LARP1: variants seen among roughly 807,000 people sequenced by gnomAD.
The protein encoded by LARP1 is la-related protein 1.
Under a neutral mutation model 122.7 loss-of-function variants are expected in LARP1, and 36 were observed. That is an observed-to-expected ratio of 0.29 (90% CI 0.22 to 0.39). LARP1 has a LOEUF of 0.39. Ranked by LOEUF, LARP1 falls within the 10% of genes least tolerant of loss-of-function variation. The pLI is 1.00. For synonymous variants in LARP1, 539 were observed against 528.7 expected, an observed-to-expected ratio of 1.02 and a Z score of -0.27; for missense variants, 1,040 against 1,403.6, an observed-to-expected ratio of 0.74 and a Z score of 4.14.
intron 1 of LARP1, among the ~76,000 whole-genome samples, chr5:154,689,574 C>G (rs1423307466): frequency 6.7e-6 from 1 of 148,436 alleles, no homozygotes; most frequent in South Asian, 2.1e-4. Context: ...GAGCTGAGAT[C>G]GTGCCATTTT....
intron 1 of LARP1, among the ~76,000 whole-genome samples, chr5:154,733,853 G>A (rs1449895897): frequency 2.0e-5 from 3 of 151,954 alleles, no homozygotes; most frequent in Non-Finnish European, 4.4e-5. Context: ...GTGAGCCACC[G>A]TGCCTGGCCA....
In LARP1 at chr5:154,795,187, C is replaced by G; in HGVS notation, c.1245C>G (p.Phe415Leu). The G allele has an allele frequency of 1.2e-6, 2 of 1,614,012 alleles. No individual in the cohort carries two copies. Among genetic ancestry groups the G allele is most frequent in the Non-Finnish European group, 1.7e-6 (2 of 1,179,872 alleles). Reference sequence around the variant, plus strand: ...TCCCTCCACTTAGTGAATACTACTTCAGCGTGGACAATTTAGAGCGAGACT... The same window carrying G: ...TCCCTCCACTTAGTGAATACTACTTGAGCGTGGACAATTTAGAGCGAGACT... ...DYIKRQIEYY[F>L]SVDNLERDFF... Residue 415 changes from phenylalanine to leucine, a missense_variant, in exon 8 of 19, where the codon TTC (phenylalanine) becomes TTG (leucine). Transcript: ENST00000518297.
chr5:154,749,924 C>T (rs1016232763), intron 1 of LARP1, among the ~76,000 whole-genome samples: 3 of 152,236 alleles, frequency 2.0e-5, no homozygotes, highest in Non-Finnish European at 4.4e-5. Flanking sequence ...ATTCACTGCT[C>T]CCCCTCCAAT....
chr5:154,743,734 C>G (rs1174286267), intron 1 of LARP1, among the ~76,000 whole-genome samples: 2 of 152,038 alleles, frequency 1.3e-5, no homozygotes, highest in African/African-American at 4.8e-5. Flanking sequence ...ATTCTCCTGC[C>G]TCAGCCTTTC....
At position 154,802,178 on chromosome 5, in the gene LARP1, G is replaced by C; in HGVS notation, c.1888G>C (p.Glu630Gln). 1 of 1,614,162 alleles carries C rather than the reference G, an allele frequency of 6.2e-7. No homozygotes were observed. The highest frequency in any genetic ancestry group is 8.5e-7 in the Non-Finnish European group (1 of 1,180,024). ...KNTFTAWSDE[E>Q]SDYEIDDRDV... ...CACCTTCACTGCCTGGTCTGATGAG[G>C]AATCTGACTATGAGATTGATGACAG... is the stretch of plus-strand genomic sequence containing the variant. Residue 630 changes from glutamate (E) to glutamine (Q), a missense_variant, in exon 11 of 19, where the codon GAA becomes CAA. Physicochemically the swap from Glu to Gln is conservative, Grantham distance 29. Coordinates refer to ENST00000518297, the MANE Select transcript of LARP1 (RefSeq NM_033551.3). This position sits in a 1 kb window ranked among gnomAD's most constrained non-coding sequence, Gnocchi z 5.1.
intron 1 of LARP1, among the ~76,000 whole-genome samples, chr5:154,783,583 T>C (rs1270202467): frequency 6.6e-6 from 1 of 152,222 alleles, no homozygotes; most frequent in African/African-American, 2.4e-5. Flanking sequence ...GTCAGACTGC[T>C]TGGCTCCAAA....
chr5:154,811,376 C>G lies in LARP1; in HGVS notation c.2953+20C>G. The stretch of plus-strand genomic sequence containing the variant: ...AAGCTGGTAAGAGCCAGAGTTGGAT[C>G]TGAGTGAGGCCTGGTCATGTAGGCC... On this transcript the variant is annotated intron_variant, in intron 17 of 18. Transcript: ENST00000518297. 1 of 1,611,882 alleles carries G rather than the reference C, an allele frequency of 6.2e-7. No individual in the cohort carries two copies. The highest frequency in any genetic ancestry group is 1.7e-5 in the Admixed American group (1 of 60,024).
intron 1 of LARP1, among the ~76,000 whole-genome samples, chr5:154,728,446 G>C (rs1483187640): frequency 6.6e-6 from 1 of 152,140 alleles, no homozygotes; most frequent in Non-Finnish European, 1.5e-5. Context: ...TGATATTATG[G>C]GGCATCTGAG....
chr5:154,715,515 T>C (rs1435137850), intron 1 of LARP1, among the ~76,000 whole-genome samples: 1 of 152,098 alleles, frequency 6.6e-6, no homozygotes, highest in Non-Finnish European at 1.5e-5. Flanking sequence ...AGTGCTGGGA[T>C]TACAGGCATG....
chr5:154,748,753 T>A (rs1268325654), intron 1 of LARP1, among the ~76,000 whole-genome samples: 1 of 152,200 alleles, frequency 6.6e-6, no homozygotes, highest in East Asian at 1.9e-4. Flanking sequence ...CATCTCCAAT[T>A]TACAGATGGG....
At chr5:154,725,456 A>G (rs948086637) in intron 1 of LARP1, among the ~76,000 whole-genome samples, 2 of 151,252 alleles carry the variant, frequency 1.3e-5, no homozygotes, top group African/African-American at 4.9e-5. Flanking sequence ...AGGCTGAGGT[A>G]GAAGGGTTGC....
chr5:154,722,223 G>A (rs1038687832), intron 1 of LARP1, among the ~76,000 whole-genome samples: 6 of 152,176 alleles, frequency 3.9e-5, no homozygotes, highest in Middle Eastern at 3.4e-3. Flanking sequence ...CAGCTTCCCC[G>A]CCCTCTCCCT....
At chr5:154,790,417 A>T in intron 2 of LARP1, 31 bp downstream of exon 2, 3 of 1,601,108 alleles carry the variant, frequency 1.9e-6, no homozygotes, top group Non-Finnish European at 2.6e-6. Context: ...ACCCAAGGGG[A>T]CTTTCTGGAG....
At chr5:154,749,967 T>C (rs1465402771) in intron 1 of LARP1, among the ~76,000 whole-genome samples, 1 of 152,246 alleles carries the variant, frequency 6.6e-6, no homozygotes, top group Non-Finnish European at 1.5e-5. Context: ...TTGTATTTTC[T>C]TCCTGCCTGT....
At chr5:154,794,387 G>A (rs1757583284) in intron 7 of LARP1, 125 bp downstream of exon 7, 3 of 855,620 alleles carry the variant, frequency 3.5e-6, no homozygotes. Flanking sequence ...TGAAAAGATA[G>A]CTTTTCTCAT....
At chr5:154,779,826 A>G (rs1245809753) in intron 1 of LARP1, among the ~76,000 whole-genome samples, 2 of 151,842 alleles carry the variant, frequency 1.3e-5, no homozygotes, top group African/African-American at 4.8e-5. Flanking sequence ...CATTCTCTAA[A>G]GGGGTGTGCT....
intron 1 of LARP1, among the ~76,000 whole-genome samples, chr5:154,701,324 G>A (rs570268312): frequency 5.3e-5 from 8 of 152,280 alleles, no homozygotes; most frequent in African/African-American, 1.9e-4. Context: ...TGGTCTCAAT[G>A]TGACATTGCT....
rs1758509526 is a variant in LARP1 at position 154,803,512 on chromosome 5, T to C, written c.2234-28T>C. On this transcript the variant is annotated intron_variant, in intron 12 of 18. Transcript: ENST00000518297. The surrounding 1 kb of genome is among the most constrained non-coding windows in gnomAD (Gnocchi z 4.4). ...GTGGATGCCACAGGCCTTTCCCTGC[T>C]TCCTGACTCCTCTCTCTGCCTCTGC... 6.2e-7 allele frequency: 1 copy of C among 1,614,132 alleles called. No individual in the cohort carries two copies. Among genetic ancestry groups the C allele is most frequent in the Non-Finnish European group, 8.5e-7 (1 of 1,180,012 alleles).
intron 8 of LARP1, among the ~76,000 whole-genome samples, chr5:154,797,218 GT>G (rs1430709731): frequency 1.5e-5 from 1 of 66,204 alleles, no homozygotes; most frequent in African/African-American, 5.9e-5. Flanking sequence ...TTTTGTTGTT[GT>G]TGTTTTTTTT....
Sources: gnomAD v4.1 joint callset for allele counts (sites outside exome capture counted in the v4.1 genomes callset) on GRCh38, gnomAD v4.1.1 for gene constraint, Gnocchi (gnomAD v3.1) non-coding constraint, MANE v1.5 for transcripts, NCBI Gene and HGNC (gene_info 2026-07-23, HGNC 2026-07-21) for gene names.